RBM6: variants seen among roughly 807,000 people sequenced by gnomAD.
RBM6 encodes RNA binding motif protein 6, also known as RNA-binding protein 6.
Under a neutral mutation model 140.4 loss-of-function variants are expected in RBM6, and 23 were observed. That is an observed-to-expected ratio of 0.16 (90% CI 0.12 to 0.23). The LOEUF (loss-of-function observed/expected upper bound fraction) is 0.23. Among genes scored for constraint, RBM6 ranks in the 10% least tolerant of loss-of-function variants. The pLI is 1.00. For synonymous variants in RBM6, 439 were observed against 475.6 expected (o/e 0.92, Z 1.00); for missense variants, 1,139 against 1,386.7 (o/e 0.82, Z 2.84).
In RBM6 at chr3:50,034,424, TG is replaced by T. The variant is rs201054713; in HGVS notation, c.1558-13820del. Reference sequence around the variant, plus strand: ...TTTTGTCTCTCTTCACTTCCAGCAGTGTTAAATAACTCTTTCCATTCTGCAG... The same window carrying T: ...TTTTGTCTCTCTTCACTTCCAGCAGTTTAAATAACTCTTTCCATTCTGCAG... On this transcript the variant is annotated intron_variant, in intron 6 of 20. Transcript: ENST00000266022. 8.5e-5 allele frequency among the ~76,000 whole-genome samples: 13 copies of T among 152,312 alleles called. No homozygotes were observed. In the East Asian group the frequency reaches 2.5e-3, roughly 29 times the overall value.
At chr3:50,039,648 A>T (rs1331848402) in intron 6 of RBM6, among the ~76,000 whole-genome samples, 1 of 152,232 alleles carries the variant, frequency 6.6e-6, no homozygotes, top group Non-Finnish European at 1.5e-5. Context: ...TAACAAGCTG[A>T]AAAGTTTTTT....
chr3:49,987,881 C>G (rs932874901), intron 5 of RBM6, among the ~76,000 whole-genome samples: 4 of 152,148 alleles, frequency 2.6e-5, no homozygotes, highest in African/African-American at 9.7e-5. Context: ...TCAGGTGATC[C>G]ACCCACCTTG....
chr3:50,076,410 T>C (rs1361426642), intron 20 of RBM6, among the ~76,000 whole-genome samples: 1 of 150,326 alleles, frequency 6.7e-6, no homozygotes, highest in Non-Finnish European at 1.5e-5. Flanking sequence ...ATGAAACCCC[T>C]GTCTCTACTA....
chr3:50,015,916 A>G (rs907833462), intron 6 of RBM6, among the ~76,000 whole-genome samples: 1 of 152,140 alleles, frequency 6.6e-6, no homozygotes, highest in African/African-American at 2.4e-5. Flanking sequence ...CCATCACCTC[A>G]TGTAGTTATT....
chr3:50,076,574 C>T (rs140203424), intron 20 of RBM6, among the ~76,000 whole-genome samples: 12 of 150,220 alleles, frequency 8.0e-5, no homozygotes, highest in Non-Finnish European at 1.5e-4. Flanking sequence ...GGTGACAGAG[C>T]GAGACTCTGT....
In RBM6 at chr3:50,075,309, T is replaced by C. The variant is rs756852209; in HGVS notation, c.3225T>C (p.Pro1075=). ...RKGTGLGYGH[P]GLASSEEAEG... ...GGACAGGCCTGGGATATGGCCATCC[T>C]GGATTGGCTTCATCAGAGGAGGTAA... Residue 1075 remains proline (P), a synonymous_variant, in exon 20 of 21, where the codon CCT becomes CCC. Transcript: ENST00000266022. 2 of 1,613,766 alleles carry C rather than the reference T, an allele frequency of 1.2e-6. No individual in the cohort carries two copies. Among genetic ancestry groups the C allele is most frequent in the Non-Finnish European group, 1.7e-6 (2 of 1,179,846 alleles).
At chr3:50,004,472 CTATT>C (rs1309615235) in intron 6 of RBM6, among the ~76,000 whole-genome samples, 1 of 136,294 alleles carries the variant, frequency 7.3e-6, no homozygotes, top group Non-Finnish European at 1.5e-5. Flanking sequence ...CCACAGCTGG[CTATT>C]TTTTTTTTTT....
chr3:49,966,913 T>C (rs1302122171), intron 2 of RBM6, among the ~76,000 whole-genome samples: 1 of 152,188 alleles, frequency 6.6e-6, no homozygotes, highest in Non-Finnish European at 1.5e-5. Flanking sequence ...ACTGGTGATT[T>C]ACAACCAGTG....
At chr3:50,066,124 A>G in intron 16 of RBM6, 118 bp from the exon 17 acceptor site, 1 of 1,108,488 alleles carries the variant, frequency 9.0e-7, no homozygotes, top group Non-Finnish European at 1.3e-6. Flanking sequence ...CAGCATGGCT[A>G]GTGAGTTTAT....
At chr3:49,981,841 T>A (rs2085317487) in intron 5 of RBM6, among the ~76,000 whole-genome samples, 2 of 152,180 alleles carry the variant, frequency 1.3e-5, no homozygotes, top group Admixed American at 6.5e-5. Context: ...GATTTTTAGG[T>A]TTGTTTGCAT....
At chr3:49,982,963 C>T (rs899497774) in intron 5 of RBM6, among the ~76,000 whole-genome samples, 1 of 152,068 alleles carries the variant, frequency 6.6e-6, no homozygotes, top group African/African-American at 2.4e-5. Flanking sequence ...CCACCTGCCT[C>T]GGCCTCCCAA....
chr3:50,036,249 G>A (rs1014008245), intron 6 of RBM6, among the ~76,000 whole-genome samples: 1 of 152,190 alleles, frequency 6.6e-6, no homozygotes, highest in African/African-American at 2.4e-5. Context: ...TACAAGAGAT[G>A]CCTTTTAATA....
intron 6 of RBM6, among the ~76,000 whole-genome samples, chr3:50,003,923 G>A (rs1463853177): frequency 6.6e-6 from 1 of 152,234 alleles, no homozygotes; most frequent in Non-Finnish European, 1.5e-5. Flanking sequence ...CCTGTCATAT[G>A]CCCTTGGCTT....
At chr3:50,007,863 A>G (rs1267709439) in intron 6 of RBM6, among the ~76,000 whole-genome samples, 2 of 152,230 alleles carry the variant, frequency 1.3e-5, no homozygotes, top group Non-Finnish European at 2.9e-5. Context: ...AAAGAGAAAG[A>G]GCAGGAGACA....
At chr3:49,985,861 C>T (rs1257502703) in intron 5 of RBM6, among the ~76,000 whole-genome samples, 1 of 152,142 alleles carries the variant, frequency 6.6e-6, no homozygotes, top group Non-Finnish European at 1.5e-5. Context: ...CCACCTCGGC[C>T]TCCCAAAGTG....
chr3:49,993,187 G>A (rs1351083474), intron 5 of RBM6, among the ~76,000 whole-genome samples: 4 of 152,150 alleles, frequency 2.6e-5, no homozygotes, highest in Non-Finnish European at 4.4e-5. Context: ...TTGAGTAAGG[G>A]CGAGTGTTTC....
intron 3 of RBM6, among the ~76,000 whole-genome samples, chr3:49,970,427 A>T (rs906272546): frequency 2.0e-5 from 3 of 152,094 alleles, no homozygotes; most frequent in African/African-American, 7.2e-5. Flanking sequence ...GCTGATTTAC[A>T]TGCCTTGGGA....
At chr3:50,000,543 C>A (rs2086278377) in intron 6 of RBM6, among the ~76,000 whole-genome samples, 1 of 151,776 alleles carries the variant, frequency 6.6e-6, no homozygotes, top group Admixed American at 6.6e-5. Flanking sequence ...GTCTCAGCCC[C>A]CTGAGTAGCT....
At chr3:49,986,409 A>G (rs2085556854) in intron 5 of RBM6, among the ~76,000 whole-genome samples, 2 of 151,584 alleles carry the variant, frequency 1.3e-5, no homozygotes, top group South Asian at 4.2e-4. Flanking sequence ...CCTGGCTAAC[A>G]TGGTGAAACC....
Sources: allele counts gnomAD v4.1 joint callset (sites outside exome capture counted in the v4.1 genomes callset), GRCh38; gene constraint gnomAD v4.1.1; transcripts MANE v1.5; gene names NCBI Gene and HGNC (gene_info 2026-07-23, HGNC 2026-07-21).